Variants in MAN2A2 observed in about 807,000 individuals in gnomAD.
The protein encoded by MAN2A2 is mannosidase alpha class 2A member 2, also known as alpha-mannosidase 2x.
MAN2A2 carries 79 observed loss-of-function variants against 126.8 expected under a neutral mutation model. The observed-to-expected ratio is 0.62, with a 90% CI of 0.52 to 0.75. MAN2A2 has a LOEUF of 0.75. Ranked by LOEUF, MAN2A2 falls within the 30% of genes least tolerant of loss-of-function variation. The pLI is 0.00. For synonymous variants in MAN2A2, 671 were observed against 618.7 expected (o/e 1.08, Z -1.25); for missense variants, 1,392 against 1,522.4 (o/e 0.91, Z 1.43).
At chr15:90,912,447 G>C in intron 15 of MAN2A2, 95 bp from the exon 16 acceptor site, 1 of 1,592,560 alleles carries the variant, frequency 6.3e-7, no homozygotes, top group Non-Finnish European at 8.6e-7. Flanking sequence ...GGGAAGCAGG[G>C]CACGGCTCCT....
In MAN2A2 at chr15:90,916,234, A is replaced by T; in HGVS notation, c.2972A>T (p.Glu991Val). ...TGCAACCGTTTCCGCCTCCTGCTAG[A>T]GCGGCGAACCGTGGGCAGTGAGGTA... ...RTCNRFRLLL[E>V]RRTVGSEVQD... Residue 991 changes from glutamate (E) to valine (V), a missense_variant, in exon 20 of 23, where the codon GAG becomes GTG. By Grantham distance (121) the Glu-to-Val change is moderately radical (BLOSUM62 -2). Coordinates refer to ENST00000559717, the MANE Select transcript of MAN2A2 (RefSeq NM_006122.4). 6.2e-7 allele frequency: 1 copy of T among 1,614,028 alleles called. No individual in the cohort carries two copies. Among genetic ancestry groups the T allele is most frequent in the Non-Finnish European group, 8.5e-7 (1 of 1,179,970 alleles).
intron 15 of MAN2A2, 78 bp downstream of exon 15, chr15:90,912,357 TC>T: frequency 1.3e-6 from 2 of 1,574,814 alleles, no homozygotes; most frequent in Admixed American, 1.7e-5. Flanking sequence ...CAGAGCGGCC[TC>T]CCGGCCCTGT....
intron 20 of MAN2A2, chr15:90,916,519 C>A: frequency 7.2e-7 from 1 of 1,391,216 alleles, no homozygotes; most frequent in Non-Finnish European, 9.7e-7. Context: ...CTCCTCTGCC[C>A]TGTCCCAGCA....
intron 3 of MAN2A2, 29 bp from the exon 4 acceptor site, chr15:90,905,550 G>C: frequency 6.2e-7 from 1 of 1,614,142 alleles, no homozygotes; most frequent in Non-Finnish European, 8.5e-7. Flanking sequence ...GGCCACGACT[G>C]GGGTACTGAG....
intron 1 of MAN2A2, 168 bp from the exon 2 acceptor site, chr15:90,904,022 C>CT: frequency 2.8e-6 from 2 of 724,218 alleles, no homozygotes; most frequent in African/African-American, 3.4e-5. Context: ...GGCAGAGCTG[C>CT]TACCAGGACC....
rs899188173 is a variant in MAN2A2 at position 90,906,191 on chromosome 15, G to A, written c.707+175G>A. 7.2e-5 allele frequency among the ~76,000 whole-genome samples: 11 copies of A among 152,302 alleles called. No homozygotes were observed. In the East Asian group the frequency reaches 9.7e-4, roughly 13 times the overall value. ...AAAACAGATAGGTTCCGAGATAAGC[G>A]GGGCCAGGATAGCCTGGAGGTTGGC... On this transcript the variant is annotated intron_variant, in intron 5 of 22. Transcript: ENST00000559717.
rs1256412688 is a variant in MAN2A2, at chr15:90,913,646, C to T, written c.2751C>T (p.Pro917=). ...VQPRRYLKKL[P]LQANFYPMPV... ...CCCGACGGTATCTGAAGAAGCTCCC[C>T]CTCCAGGCCAACTTCTACCCCATGC... Residue 917 remains proline, a synonymous_variant, in exon 19 of 23, where the codon CCC becomes CCT. Coordinates refer to ENST00000559717, the MANE Select transcript of MAN2A2 (RefSeq NM_006122.4). The T allele has an allele frequency of 6.2e-7, 1 of 1,612,722 alleles. No individual in the cohort carries two copies. The highest frequency in any genetic ancestry group is 8.5e-7 in the Non-Finnish European group (1 of 1,179,550).
chr15:90,915,849 C>A (rs1266431205), intron 19 of MAN2A2: 2 of 419,396 alleles, frequency 4.8e-6, no homozygotes, highest in Non-Finnish European at 8.5e-6. Flanking sequence ...CCGTTCCCTA[C>A]TCCTGAGTCC....
intron 20 of MAN2A2, chr15:90,916,702 G>A: frequency 7.8e-7 from 1 of 1,276,706 alleles, no homozygotes; most frequent in South Asian, 1.2e-5. Context: ...TACGAGCAAG[G>A]TGTAGCTGCG....
Position 90,907,285 on chromosome 15 carries a change from G to A in MAN2A2, c.1010-24G>A, listed in dbSNP as rs781776051. ...CGTCCAGAGGCTGCCTGCTGGTGGTGACCACGTGGTGTGTCTCCTGCAGAC... is the reference window on the plus strand; with the variant it reads ...CGTCCAGAGGCTGCCTGCTGGTGGTAACCACGTGGTGTGTCTCCTGCAGAC... On this transcript the variant is annotated intron_variant, in intron 7 of 22. Coordinates refer to ENST00000559717, the MANE Select transcript of MAN2A2 (RefSeq NM_006122.4). 7.5e-6 allele frequency: 12 copies of A among 1,606,010 alleles called. No homozygotes were observed. In the East Asian group the frequency reaches 2.7e-4, roughly 36 times the overall value.
At chr15:90,919,295 A>C (rs1295531392) in intron 22 of MAN2A2, among the ~76,000 whole-genome samples, 1 of 152,244 alleles carries the variant, frequency 6.6e-6, no homozygotes, top group Non-Finnish European at 1.5e-5. Context: ...ACTGGAGTGC[A>C]GTGGCGTGAT....
chr15:90,916,080 T>C (rs1243881299), intron 19 of MAN2A2, 43 bp from the exon 20 acceptor site: 2 of 1,604,014 alleles, frequency 1.2e-6, no homozygotes, highest in African/African-American at 1.3e-5. Flanking sequence ...CAGTGCCTGC[T>C]TGGGGGTGGG....
chr15:90,912,605 A>G lies in MAN2A2; in HGVS notation c.2410A>G (p.Thr804Ala), dbSNP rs147693148. 28 of 1,614,042 alleles carry G rather than the reference A, an allele frequency of 1.7e-5. No individual in the cohort carries two copies. The highest frequency in any genetic ancestry group is 1.6e-4 in the Middle Eastern group (1 of 6,074). The change falls in exon 16 of 23, where the codon ACC becomes GCC. Residue 804 changes from threonine (T) to alanine (A), a missense_variant. Transcript: ENST00000559717. The part of the protein sequence containing the change: ...QVDMQVLVYG[T>A]RTSKDKSGAY... ...GGACATGCAGGTCCTTGTCTATGGC[A>G]CCCGTACGTCCAAAGACAAGAGTGG...
rs1383353906 is a variant in MAN2A2, at chr15:90,918,836, TG to T, written c.3300+84del. The stretch of plus-strand genomic sequence containing the variant: ...ACTGGGCTGAGATTCGGTGACAGGC[TG>T]GGAGAAGAAAGTGTCACTCCAGGGC... On this transcript the variant is annotated intron_variant, in intron 22 of 22. Transcript: ENST00000559717. The T allele has an allele frequency of 3.8e-6, 4 of 1,048,866 alleles. No individual in the cohort carries two copies. The Admixed American group carries it at 8.0e-5, about 21-fold the overall frequency. The allele number at this position is 1,048,866 out of a possible 1,614,324, so 65.0% of individuals were successfully genotyped here.
rs565098699 is a variant in MAN2A2, at chr15:90,907,623, T to C, written c.1196+128T>C. 245 of 833,978 alleles carry C rather than the reference T, an allele frequency of 2.9e-4. 1 individual carries two copies. The highest frequency in any genetic ancestry group is 3.6e-4 in the Non-Finnish European group (197 of 551,504). 51.7% of individuals were successfully genotyped at this position (833,978 alleles called of 1,614,324 possible). A position where few individuals can be genotyped will look rare whatever the true frequency, so the allele number is the denominator to read the frequency against. On this transcript the variant is annotated intron_variant, in intron 8 of 22. Transcript: ENST00000559717. Reference sequence around the variant, plus strand: ...CCTAGCCTCTGCAGCAGCAGCTCCTTACTAAGTCTCCTGAAAAACTGGAAT... The same window carrying C: ...CCTAGCCTCTGCAGCAGCAGCTCCTCACTAAGTCTCCTGAAAAACTGGAAT...
intron 7 of MAN2A2, 59 bp from the exon 8 acceptor site, chr15:90,907,250 G>GC (rs1199140938): frequency 1.9e-5 from 29 of 1,530,918 alleles, no homozygotes; most frequent in Middle Eastern, 1.7e-4. Flanking sequence ...ACAGATCCTT[G>GC]CCCCCCTGGC....
chr15:90,904,442 T>TGGG, intron 2 of MAN2A2, 103 bp downstream of exon 2: 1 of 1,257,472 alleles, frequency 8.0e-7, no homozygotes, highest in Non-Finnish European at 1.1e-6. Flanking sequence ...CGCTGGAGGG[T>TGGG]AATGTCAGTA....
At chr15:90,905,092 C>T (rs1174517219) in intron 2 of MAN2A2, among the ~76,000 whole-genome samples, 159 bp from the exon 3 acceptor site, 1 of 151,910 alleles carries the variant, frequency 6.6e-6, no homozygotes, top group Non-Finnish European at 1.5e-5. Context: ...CTGCACAGCT[C>T]CCTTTATCTG....
At chr15:90,919,538 T>G in intron 22 of MAN2A2, 97 bp from the exon 23 acceptor site, 163 of 1,448,784 alleles carry the variant, frequency 1.1e-4, no homozygotes, top group Middle Eastern at 5.0e-4. Flanking sequence ...TGCCCCTGGC[T>G]GAGATTCTTA....
Sources: gnomAD v4.1 joint callset for allele counts (sites outside exome capture counted in the v4.1 genomes callset) on GRCh38, gnomAD v4.1.1 for gene constraint, MANE v1.5 for transcripts, NCBI Gene and HGNC (gene_info 2026-07-23, HGNC 2026-07-21) for gene names.